LHFPL2: variants seen among roughly 807,000 people sequenced by gnomAD.
The protein encoded by LHFPL2 is LHFPL tetraspan subfamily member 2 protein.
In LHFPL2, 7 loss-of-function variants were observed where a neutral mutation model predicts 17.5. The ratio of observed to expected loss-of-function variants is 0.40; its 90% CI spans 0.23 to 0.75. The LOEUF is 0.75. LHFPL2 is among the 30% of genes least tolerant of loss of function. The probability of loss-of-function intolerance (pLI) is 0.37; values close to 1 mark genes in which losing one functional copy is unlikely to be tolerated. For missense variants in LHFPL2, 241 were observed against 294.8 expected (o/e 0.82, Z 1.34); for synonymous variants, 134 against 116.2 (o/e 1.15, Z -0.99).
At position 78,593,299 on chromosome 5, in the gene LHFPL2, T is replaced by C. The variant is rs142068872; in HGVS notation, c.-244-28428A>G. Among the ~76,000 whole-genome samples, 767 of 152,170 alleles carry C rather than the reference T, an allele frequency of 5.0e-3. 11 individuals are homozygous for C. Among genetic ancestry groups the C allele is most frequent in the African/African-American group, 0.018 (741 of 41,520 alleles). ...TTTCACAGCCCTCAAGTAAGACATC[T>C]AGGTTCCTGGAATTAAGGAAAAGAA... On this transcript the variant is annotated intron_variant, in intron 2 of 4. Coordinates refer to ENST00000380345, the MANE Select transcript of LHFPL2 (RefSeq NM_005779.3).
intron 3 of LHFPL2, among the ~76,000 whole-genome samples, chr5:78,539,637 C>A (rs989653221): frequency 1.3e-5 from 2 of 152,136 alleles, no homozygotes; most frequent in Non-Finnish European, 2.9e-5. Context: ...CCAAACCCCC[C>A]ACACCATCAC....
chr5:78,614,550 A>T (rs182154095), intron 2 of LHFPL2, among the ~76,000 whole-genome samples: 47 of 152,344 alleles, frequency 3.1e-4, no homozygotes, highest in Admixed American at 2.3e-3. Context: ...CTATTACTAC[A>T]TGCCAGACTC....
At chr5:78,575,068 T>TCTTGCCA in intron 2 of LHFPL2, among the ~76,000 whole-genome samples, 1 of 152,312 alleles carries the variant, frequency 6.6e-6, no homozygotes, top group East Asian at 1.9e-4. Flanking sequence ...TTCCTAATCC[T>TCTTGCCA]GTGTTCTTGC....
At chr5:78,571,360 C>T (rs913846350) in intron 2 of LHFPL2, among the ~76,000 whole-genome samples, 2 of 152,148 alleles carry the variant, frequency 1.3e-5, no homozygotes, top group African/African-American at 4.8e-5. Flanking sequence ...TGCTCAAGAC[C>T]CAACTTCAGT....
chr5:78,537,712 C>T (rs550032326), intron 3 of LHFPL2, among the ~76,000 whole-genome samples: 3 of 152,300 alleles, frequency 2.0e-5, no homozygotes, highest in East Asian at 1.9e-4. Context: ...CAAAATGTAA[C>T]GGAAAGAAGG....
chr5:78,570,634 G>GTATATA (rs147435933), intron 2 of LHFPL2, among the ~76,000 whole-genome samples: 221 of 145,364 alleles, frequency 1.5e-3, no homozygotes, highest in African/African-American at 5.4e-3. Context: ...TATATATATA[G>GTATATA]TATATATATA....
chr5:78,499,670 T>C (rs1197372458), intron 4 of LHFPL2, among the ~76,000 whole-genome samples: 8 of 152,218 alleles, frequency 5.3e-5, no homozygotes, highest in Non-Finnish European at 1.5e-5. Context: ...GGAACTGTTA[T>C]CAAGTGAGAA....
chr5:78,550,851 G>A (rs1378327321), intron 3 of LHFPL2, among the ~76,000 whole-genome samples: 7 of 152,276 alleles, frequency 4.6e-5, no homozygotes, highest in African/African-American at 7.2e-5. Context: ...GATTACAGGC[G>A]TCAGTCACCG....
rs1414395474 is a variant in LHFPL2 at position 78,487,866 on chromosome 5, A to G, written c.*1031T>C. 1 of 152,150 alleles carries G rather than the reference A, an allele frequency of 6.6e-6. No homozygotes were observed. The highest frequency in any genetic ancestry group is 1.5e-5 in the Non-Finnish European group (1 of 68,030). The allele number at this position is 152,150 out of a possible 1,614,324, so 9.4% of individuals were successfully genotyped here. A position where few individuals can be genotyped will look rare whatever the true frequency, so the allele number is the denominator to read the frequency against. On this transcript the variant is annotated 3_prime_UTR_variant, in exon 5 of 5. Transcript: ENST00000380345. The stretch of plus-strand genomic sequence containing the variant: ...GTAACTACAAAAACTTAACTCCCAT[A>G]ACTAGCTTCTTTTTGTTGTAGAATG...
intron 1 of LHFPL2, among the ~76,000 whole-genome samples, chr5:78,647,336 C>A (rs1211042081): frequency 6.6e-6 from 1 of 152,162 alleles, no homozygotes; most frequent in Non-Finnish European, 1.5e-5. Context: ...GTATCTGATC[C>A]TCTCTTAAAC....
intron 2 of LHFPL2, among the ~76,000 whole-genome samples, chr5:78,607,196 T>C (rs1744247900): frequency 1.3e-5 from 2 of 152,052 alleles, no homozygotes; most frequent in South Asian, 4.2e-4. Context: ...CTGCAACCTC[T>C]CTGCCTCCCA....
At chr5:78,584,357 C>T (rs2112449530) in intron 2 of LHFPL2, among the ~76,000 whole-genome samples, 1 of 152,318 alleles carries the variant, frequency 6.6e-6, no homozygotes, top group East Asian at 1.9e-4. Flanking sequence ...AGGAGAGGCG[C>T]CCTGCTTTTT....
intron 2 of LHFPL2, among the ~76,000 whole-genome samples, chr5:78,611,043 A>C (rs1057212426): frequency 2.6e-5 from 4 of 152,254 alleles, no homozygotes; most frequent in African/African-American, 9.6e-5. Flanking sequence ...GGAAAAAAAA[A>C]GTTCATTAAC....
At position 78,566,484 on chromosome 5, in the gene LHFPL2, GAC is replaced by G. The variant is rs1193982763; in HGVS notation, c.-244-1615_-244-1614del. On this transcript the variant is annotated intron_variant, in intron 2 of 4. Coordinates refer to ENST00000380345, the MANE Select transcript of LHFPL2 (RefSeq NM_005779.3). ...GAAACTAAGACTTTTTTTTTTTTGA[GAC>G]AGAGTCTCCCTCTGTCACCCAGGCT... Among the ~76,000 whole-genome samples the G allele has an allele frequency of 4.7e-5, 7 of 148,086 alleles. No homozygotes were observed. The East Asian group carries it at 5.9e-4, about 12-fold the overall frequency.
At chr5:78,502,772 GATA>G (rs1754811898) in intron 4 of LHFPL2, among the ~76,000 whole-genome samples, 1 of 152,304 alleles carries the variant, frequency 6.6e-6, no homozygotes, top group South Asian at 2.1e-4. Context: ...TTTGGGTGCA[GATA>G]ATGTTAAATA....
intron 4 of LHFPL2, among the ~76,000 whole-genome samples, chr5:78,498,467 C>T (rs1754676261): frequency 6.6e-6 from 1 of 152,188 alleles, no homozygotes; most frequent in Admixed American, 6.5e-5. Context: ...GTCATTCTGG[C>T]AGCCCCTAGC....
intron 2 of LHFPL2, among the ~76,000 whole-genome samples, chr5:78,616,513 A>G (rs1296490699): frequency 6.6e-6 from 1 of 152,222 alleles, no homozygotes. Flanking sequence ...GGTTACAGTA[A>G]GAATTCCAAG....
At chr5:78,535,649 C>T (rs1755926320) in intron 3 of LHFPL2, among the ~76,000 whole-genome samples, 1 of 152,186 alleles carries the variant, frequency 6.6e-6, no homozygotes, top group East Asian at 1.9e-4. Context: ...GCTGATGCTG[C>T]AGTAGGTGGG....
intron 2 of LHFPL2, among the ~76,000 whole-genome samples, chr5:78,580,745 T>G (rs549197446): frequency 4.3e-4 from 66 of 152,360 alleles, no homozygotes; most frequent in Non-Finnish European, 8.7e-4. Context: ...TTTTGGTTAC[T>G]GTAGCCTTGT....
Sources: gnomAD v4.1 joint callset for allele counts (sites outside exome capture counted in the v4.1 genomes callset) on GRCh38, gnomAD v4.1.1 for gene constraint, MANE v1.5 for transcripts, NCBI Gene and HGNC (gene_info 2026-07-23, HGNC 2026-07-21) for gene names.